RGS12: variants seen among roughly 807,000 people sequenced by gnomAD.
RGS12 encodes the protein regulator of G-protein signaling 12.
A neutral mutation model predicts 120.1 loss-of-function variants in RGS12; 66 were observed. The ratio of observed to expected loss-of-function variants is 0.55; its 90% CI spans 0.45 to 0.67. RGS12 has a LOEUF of 0.67. RGS12 is among the 30% of genes least tolerant of loss of function. RGS12 has a pLI of 0.00. For synonymous variants in RGS12, 827 were observed against 804.7 expected, an observed-to-expected ratio of 1.03 and a Z score of -0.47; for missense variants, 1,859 against 1,957.7, an observed-to-expected ratio of 0.95 and a Z score of 0.95.
chr4:3,389,149 G>C lies in RGS12; in HGVS notation c.2020+2712G>C, dbSNP rs952252898. ...TTTTAGTTTTGTGGCTCGGTTTTAAGGAAGTTGGACTATGCTATTTTGGCA... is the reference window on the plus strand; with the variant it reads ...TTTTAGTTTTGTGGCTCGGTTTTAACGAAGTTGGACTATGCTATTTTGGCA... On this transcript the variant is annotated intron_variant, in intron 4 of 17. Transcript: ENST00000336727. This position sits in a 1 kb window ranked among gnomAD's most constrained non-coding sequence, Gnocchi z 5.2. Among the ~76,000 whole-genome samples, 2 of 152,172 alleles carry C rather than the reference G, an allele frequency of 1.3e-5. No individual in the cohort carries two copies. Among genetic ancestry groups the C allele is most frequent in the Non-Finnish European group, 2.9e-5 (2 of 68,042 alleles).
intron 1 of RGS12, among the ~76,000 whole-genome samples, chr4:3,310,650 A>G (rs1724333377): frequency 6.6e-6 from 1 of 151,634 alleles, no homozygotes; most frequent in Non-Finnish European, 1.5e-5. Context: ...TGGGGCGGGT[A>G]TCAGATCGTC....
At chr4:3,343,170 G>C in intron 3 of RGS12, 117 bp downstream of exon 3, 2 of 681,674 alleles carry the variant, frequency 2.9e-6, no homozygotes, top group South Asian at 1.7e-5. Context: ...CTCCTCCTCT[G>C]TAGTGGTAAC....
Position 3,352,518 on chromosome 4 carries a change from G to A in RGS12, c.1998+9465G>A, listed in dbSNP as rs76000130. ...AGAAAATGGTATTTATTCAGGAATAGGCATTGCGATGGGATACACATTATG... is the reference window on the plus strand; with the variant it reads ...AGAAAATGGTATTTATTCAGGAATAAGCATTGCGATGGGATACACATTATG... On this transcript the variant is annotated intron_variant, in intron 3 of 17. Coordinates refer to ENST00000336727, the MANE Select transcript of RGS12 (RefSeq NM_001394154.1). Among the ~76,000 whole-genome samples the A allele has an allele frequency of 2.7e-3, 418 of 152,294 alleles. 2 individuals are homozygous for A. The highest frequency in any genetic ancestry group is 9.8e-3 in the African/African-American group (407 of 41,562).
chr4:3,395,710 A>ATATCTTATT (rs1361402122), intron 4 of RGS12, among the ~76,000 whole-genome samples: 3 of 152,166 alleles, frequency 2.0e-5, no homozygotes, highest in African/African-American at 7.2e-5. Context: ...GGCCCTTTGA[A>ATATCTTATT]TATCTTATTT....
chr4:3,369,587 G>C (rs1235708988), intron 3 of RGS12, among the ~76,000 whole-genome samples: 1 of 152,240 alleles, frequency 6.6e-6, no homozygotes, highest in African/African-American at 2.4e-5. Flanking sequence ...GGCCCATGCT[G>C]CATGATTTTG....
chr4:3,368,428 G>GTGTGGGTGCC (rs1379868922), intron 3 of RGS12, among the ~76,000 whole-genome samples: 7 of 129,648 alleles, frequency 5.4e-5, no homozygotes, highest in African/African-American at 1.1e-4. Flanking sequence ...GTGCCTGTGT[G>GTGTGGGTGCC]TGTGTGGGTG....
rs758987312 is a variant in RGS12 at position 3,390,837 on chromosome 4, G to A, written c.2020+4400G>A. On this transcript the variant is annotated intron_variant, in intron 4 of 17. Transcript: ENST00000336727. The surrounding 1 kb of genome is among the most constrained non-coding windows in gnomAD (Gnocchi z 4.6). ...ATGGGGGAGGGTTACCGTAATTGCC[G>A]GATTAACTTGGGGGACTTTAAACTG... Among the ~76,000 whole-genome samples, 65 of 152,272 alleles carry A rather than the reference G, an allele frequency of 4.3e-4. No individual in the cohort carries two copies. In the Middle Eastern group the frequency reaches 0.014, roughly 32 times the overall value.
chr4:3,428,336 A>C (rs1166858684), intron 15 of RGS12, 167 bp downstream of exon 15: 1 of 807,420 alleles, frequency 1.2e-6, no homozygotes, highest in East Asian at 2.6e-5. Context: ...GCTCCCTCTT[A>C]CCTGTGAAGG....
chr4:3,428,233 C>T lies in RGS12; in HGVS notation c.3411+64C>T, dbSNP rs544790631. The T allele has an allele frequency of 7.9e-5, 111 of 1,406,114 alleles. No homozygotes were observed. In the African/African-American group the frequency reaches 1.2e-3, roughly 15 times the overall value. 87.1% of individuals were successfully genotyped at this position (1,406,114 alleles called of 1,614,324 possible). A position where few individuals can be genotyped will look rare whatever the true frequency, so the allele number is the denominator to read the frequency against. ...CTCGCTGTGGCCCCCGCCTGCCCTG[C>T]GCAGTGCCCTGGTGCTTCCTTACCG... On this transcript the variant is annotated intron_variant, in intron 15 of 17. Coordinates refer to ENST00000336727, the MANE Select transcript of RGS12 (RefSeq NM_001394154.1).
chr4:3,399,933 T>C (rs1720411668), intron 4 of RGS12, among the ~76,000 whole-genome samples: 1 of 152,232 alleles, frequency 6.6e-6, no homozygotes, highest in Admixed American at 6.5e-5. Flanking sequence ...CTGCAGGCCT[T>C]GTGGCCGAGG....
At position 3,312,166 on chromosome 4, in the gene RGS12, C is replaced by T. The variant is rs142139532; in HGVS notation, c.-101-3904C>T. Among the ~76,000 whole-genome samples the T allele has an allele frequency of 1.5e-3, 225 of 152,288 alleles. 1 individual carries two copies. Among genetic ancestry groups the T allele is most frequent in the African/African-American group, 5.2e-3 (216 of 41,550 alleles). On this transcript the variant is annotated intron_variant, in intron 1 of 17. Transcript: ENST00000336727. ...CCCCGATGGTGTAATGGAAGTTCAG[C>T]TGGAATCCAGTACCCCATGGTCTTC...
At chr4:3,327,803 C>T (rs1486590529) in intron 2 of RGS12, among the ~76,000 whole-genome samples, 2 of 152,170 alleles carry the variant, frequency 1.3e-5, no homozygotes, top group Non-Finnish European at 2.9e-5. Flanking sequence ...TAAATTAGTA[C>T]AACCTCCATG....
intron 12 of RGS12, 88 bp downstream of exon 12, chr4:3,423,066 G>A (rs1046308435): frequency 2.1e-5 from 23 of 1,113,652 alleles, no homozygotes; most frequent in Non-Finnish European, 2.6e-5. Context: ...CTTAGCGGGC[G>A]GCCTGTGGAT....
intron 3 of RGS12, among the ~76,000 whole-genome samples, chr4:3,373,477 C>G (rs1717272492): frequency 6.6e-6 from 1 of 152,206 alleles, no homozygotes; most frequent in South Asian, 2.1e-4. Context: ...GCTTGGTGGG[C>G]CATCCGGGAA....
intron 11 of RGS12, 137 bp from the exon 12 acceptor site, chr4:3,422,768 G>A (rs1478450441): frequency 2.0e-6 from 2 of 987,378 alleles, no homozygotes; most frequent in Admixed American, 1.9e-5. Context: ...GGTGTGGAAA[G>A]GGTGATCGCT....
chr4:3,424,390 A>G (rs970238328), intron 13 of RGS12, among the ~76,000 whole-genome samples: 4 of 152,226 alleles, frequency 2.6e-5, no homozygotes, highest in Non-Finnish European at 5.9e-5. Context: ...ATTTACAGAC[A>G]CCACCTCCGA....
intron 3 of RGS12, chr4:3,370,409 T>A: frequency 8.1e-7 from 1 of 1,237,198 alleles, no homozygotes; most frequent in Non-Finnish European, 1.2e-6. Context: ...GTGGCAGCTG[T>A]GGGACCTGCA....
At chr4:3,359,709 A>G (rs1715378013) in intron 3 of RGS12, among the ~76,000 whole-genome samples, 1 of 145,378 alleles carries the variant, frequency 6.9e-6, no homozygotes, top group Non-Finnish European at 1.5e-5. Flanking sequence ...TGCAAACTCC[A>G]CCTCCTGGGT....
At chr4:3,341,048 C>T (rs1358657196) in intron 2 of RGS12, among the ~76,000 whole-genome samples, 3 of 151,218 alleles carry the variant, frequency 2.0e-5, no homozygotes, top group Middle Eastern at 3.2e-3. Context: ...CTGGTGGGGG[C>T]CCAGTGGTGG....
Sources: allele counts gnomAD v4.1 joint callset (sites outside exome capture counted in the v4.1 genomes callset), GRCh38; gene constraint gnomAD v4.1.1; non-coding constraint Gnocchi (gnomAD v3.1); transcripts MANE v1.5; gene names NCBI Gene and HGNC (gene_info 2026-07-23, HGNC 2026-07-21).